ERAP1: variants seen among roughly 807,000 people sequenced by gnomAD.
ERAP1 encodes endoplasmic reticulum aminopeptidase 1.
In ERAP1, 86 loss-of-function variants were observed where a neutral mutation model predicts 103.7. That is an observed-to-expected ratio of 0.83 (90% CI 0.70 to 0.99). The LOEUF (loss-of-function observed/expected upper bound fraction) is 0.99, where lower values mean the gene tolerates loss of function less well. ERAP1 is among the 50% of genes least tolerant of loss of function. The pLI is 0.00. For synonymous variants in ERAP1, 398 were observed against 402.4 expected (o/e 0.99, Z 0.13); for missense variants, 1,009 against 1,128.4 (o/e 0.89, Z 1.52).
At chr5:96,917,480 T>C in the ERAP1 span, 33 of 1,609,584 alleles carry the variant, frequency 2.1e-5, no homozygotes, top group Non-Finnish European at 2.6e-5. Context: ...ATTTTTTGAA[T>C]CTCTTGAGGC....
intron 18 of ERAP1, among the ~76,000 whole-genome samples, chr5:96,778,265 T>C (rs749640539): frequency 6.6e-6 from 1 of 152,194 alleles, no homozygotes; most frequent in Non-Finnish European, 1.5e-5. Context: ...GCAGTAAATA[T>C]GATTACTGTA....
chr5:96,900,201 G>T, the ERAP1 span: 1 of 1,613,348 alleles, frequency 6.2e-7, no homozygotes, highest in South Asian at 1.1e-5. Context: ...TAAGGATAAA[G>T]AGAGTCACAG....
At position 96,781,752 on chromosome 5, in the gene ERAP1, A is replaced by G. The variant is rs377755816; in HGVS notation, c.2388T>C (p.Thr796=). Residue 796 remains threonine, a synonymous_variant, in exon 16 of 19, where the codon ACT becomes ACC. Coordinates refer to ENST00000443439, the MANE Select transcript of ERAP1 (RefSeq NM_001040458.3). The part of the protein sequence containing the change: ...YSKYQFSLSS[T]EKSQIEFALC... ...GGGCAAATTCAATTTGGCTTTTCTCAGTACTGGACAAAGAAAACTGATATT... is the reference window on the plus strand; with the variant it reads ...GGGCAAATTCAATTTGGCTTTTCTCGGTACTGGACAAAGAAAACTGATATT... 1 of 1,614,184 alleles carries G rather than the reference A, an allele frequency of 6.2e-7. No individual in the cohort carries two copies. The highest frequency in any genetic ancestry group is 1.1e-5 in the South Asian group (1 of 91,084).
the ERAP1 span, among the ~76,000 whole-genome samples, chr5:96,872,974 G>A: frequency 3.3e-4 from 50 of 152,184 alleles, no homozygotes; most frequent in Non-Finnish European, 5.9e-4. Context: ...TGGATCACCT[G>A]AGGTTAGGAG....
intron 18 of ERAP1, among the ~76,000 whole-genome samples, chr5:96,778,583 G>A (rs1237732904): frequency 1.3e-5 from 2 of 152,188 alleles, no homozygotes; most frequent in Non-Finnish European, 1.5e-5. Context: ...TCAGAAGCCA[G>A]GTCTTCAAGG....
intron 11 of ERAP1, among the ~76,000 whole-genome samples, chr5:96,787,539 TA>T (rs1776184539): frequency 6.6e-6 from 1 of 152,166 alleles, no homozygotes; most frequent in Admixed American, 6.6e-5. Context: ...GTCCTGGTAT[TA>T]AAGGCATGAG....
intron 13 of ERAP1, chr5:96,785,317 A>G (rs1185588206): frequency 4.9e-6 from 1 of 202,368 alleles, no homozygotes; most frequent in Non-Finnish European, 1.0e-5. Context: ...CTGGTTTAGG[A>G]AAGAAAAAAA....
chr5:96,794,725 G>C (rs1777157533), intron 5 of ERAP1, among the ~76,000 whole-genome samples: 1 of 152,188 alleles, frequency 6.6e-6, no homozygotes, highest in African/African-American at 2.4e-5. Context: ...TTCCTGCCAA[G>C]CAGGTGCCAG....
Position 96,807,749 on chromosome 5 carries a change from C to G in ERAP1, c.-18+111G>C, listed in dbSNP as rs934999230. The G allele has an allele frequency of 5.1e-6, 4 of 777,874 alleles. No homozygotes were observed. The African/African-American group carries it at 7.4e-5, about 14-fold the overall frequency. 48.2% of individuals were successfully genotyped at this position (777,874 alleles called of 1,614,324 possible). On this transcript the variant is annotated intron_variant, in intron 1 of 18. Coordinates refer to ENST00000443439, the MANE Select transcript of ERAP1 (RefSeq NM_001040458.3). Reference sequence around the variant, plus strand: ...CCTCCTCCCGTGCCCCGTCTCCCTCCTCCCGTGCCCCAGGCCCTCAGCCCC... The same window carrying G: ...CCTCCTCCCGTGCCCCGTCTCCCTCGTCCCGTGCCCCAGGCCCTCAGCCCC...
At chr5:96,913,363 T>C in the ERAP1 span, 1 of 1,614,140 alleles carries the variant, frequency 6.2e-7, no homozygotes, top group South Asian at 1.1e-5. Flanking sequence ...GACACAGAAC[T>C]TGGCAGCTCT....
At chr5:96,879,752 T>C in the ERAP1 span, 1 of 1,614,228 alleles carries the variant, frequency 6.2e-7, no homozygotes, top group South Asian at 1.1e-5. Context: ...CAGAGGATTT[T>C]ACTGCTTAAC....
chr5:96,837,998 TCTC>T, the ERAP1 span, among the ~76,000 whole-genome samples: 55 of 151,278 alleles, frequency 3.6e-4, no homozygotes, highest in African/African-American at 1.3e-3. Flanking sequence ...CTTCTCCTCT[TCTC>T]CTCTTCTTCT....
chr5:96,912,596 T>C, the ERAP1 span: 7 of 1,549,216 alleles, frequency 4.5e-6, no homozygotes, highest in African/African-American at 9.8e-5. Flanking sequence ...AAGTTTTTCT[T>C]TCATAAAACT....
At chr5:96,863,209 AG>A in the ERAP1 span, among the ~76,000 whole-genome samples, 1 of 151,742 alleles carries the variant, frequency 6.6e-6, no homozygotes. Flanking sequence ...TAAGTACCCA[AG>A]GCTTGTTCCC....
the ERAP1 span, among the ~76,000 whole-genome samples, chr5:96,846,281 T>C: frequency 1.3e-5 from 2 of 152,198 alleles, no homozygotes; most frequent in Admixed American, 1.3e-4. Context: ...GTAATACACA[T>C]CAAAGTTTGA....
chr5:96,881,414 T>C, the ERAP1 span: 5 of 455,834 alleles, frequency 1.1e-5, no homozygotes, highest in Non-Finnish European at 1.8e-5. Context: ...GTGAGGGAAA[T>C]AGAAGAATCA....
At chr5:96,880,621 A>G in the ERAP1 span, among the ~76,000 whole-genome samples, 1 of 152,222 alleles carries the variant, frequency 6.6e-6, no homozygotes, top group African/African-American at 2.4e-5. Flanking sequence ...TGTAAGTGAG[A>G]CTGGGATTGG....
chr5:96,846,098 T>C, the ERAP1 span, among the ~76,000 whole-genome samples: 1 of 152,182 alleles, frequency 6.6e-6, no homozygotes, highest in Non-Finnish European at 1.5e-5. Context: ...CCAAAGGAGA[T>C]CTCCAGGAAC....
the ERAP1 span, chr5:96,912,903 C>T: frequency 1.1e-6 from 1 of 887,112 alleles, no homozygotes; most frequent in South Asian, 1.6e-5. Flanking sequence ...ATAATTGAAT[C>T]AGAATGTGTA....
Sources: gnomAD v4.1 joint callset for allele counts (sites outside exome capture counted in the v4.1 genomes callset) on GRCh38, gnomAD v4.1.1 for gene constraint, MANE v1.5 for transcripts, NCBI Gene and HGNC (gene_info 2026-07-23, HGNC 2026-07-21) for gene names.